ANO7: variants seen among roughly 807,000 people sequenced by gnomAD.
ANO7 encodes the protein anoctamin-7.
In ANO7, 114 loss-of-function variants were observed where a neutral mutation model predicts 115.8. The ratio of observed to expected loss-of-function variants is 0.98; its 90% CI spans 0.85 to 1.15. The LOEUF is 1.15. Ranked by LOEUF, ANO7 falls within the 50% of genes most tolerant of loss-of-function variation. ANO7 has a pLI of 0.00. For synonymous variants in ANO7, 550 were observed against 498.2 expected (o/e 1.10, Z -1.38); for missense variants, 1,302 against 1,201.2 (o/e 1.08, Z -1.24).
rs541531056 is a variant in ANO7, at chr2:241,214,146, G to A, written c.1729-659G>A. On this transcript the variant is annotated intron_variant, in intron 17 of 24. Transcript: ENST00000674324. The stretch of plus-strand genomic sequence containing the variant: ...CTAAAAATGCAAAAATTGGCCAGGC[G>A]TGATGGCACGCACCTGTAGTCTCAG... Among the ~76,000 whole-genome samples, 11 of 152,336 alleles carry A rather than the reference G, an allele frequency of 7.2e-5. No homozygotes were observed. In the South Asian group the frequency reaches 2.1e-3, roughly 29 times the overall value.
At chr2:241,234,032 C>G in the ANO7 span, 1 of 1,563,574 alleles carries the variant, frequency 6.4e-7, no homozygotes, top group South Asian at 1.1e-5. Flanking sequence ...ATTCCCCTTC[C>G]ACCCTGGTCA....
intron 21 of ANO7, 87 bp downstream of exon 21, chr2:241,218,468 G>A: frequency 3.4e-6 from 4 of 1,182,284 alleles, no homozygotes; most frequent in South Asian, 6.9e-5. Context: ...GCGGCGGTGG[G>A]GAGCCGGGAG....
chr2:241,238,932 CCAGGCGCA>C, the ANO7 span: 1 of 614,346 alleles, frequency 1.6e-6, no homozygotes, highest in East Asian at 2.9e-5. This position sits in a 1 kb window ranked among gnomAD's most constrained non-coding sequence, Gnocchi z 4.9. Flanking sequence ...GTCCAGGGCT[CCAGGCGCA>C]GGGAGGAGGG....
At chr2:241,207,206 G>A (rs992005345) in intron 10 of ANO7, among the ~76,000 whole-genome samples, 2 of 148,672 alleles carry the variant, frequency 1.3e-5, no homozygotes, top group African/African-American at 5.0e-5. Flanking sequence ...TCTGACAGGT[G>A]GACAGGAGTG....
chr2:241,233,330 G>C, the ANO7 span, among the ~76,000 whole-genome samples: 4 of 152,136 alleles, frequency 2.6e-5, no homozygotes, highest in East Asian at 7.7e-4. This position sits in a 1 kb window ranked among gnomAD's most constrained non-coding sequence, Gnocchi z 4.3. Context: ...GGCCATGAGG[G>C]CCAGTGGCAG....
the ANO7 span, among the ~76,000 whole-genome samples, chr2:241,234,736 C>A: frequency 6.6e-6 from 1 of 152,190 alleles, no homozygotes; most frequent in East Asian, 1.9e-4. Context: ...GGAAGTCATT[C>A]GCCCTTTGAC....
At chr2:241,192,134 C>T (rs773610399) in intron 3 of ANO7, among the ~76,000 whole-genome samples, 49 of 152,160 alleles carry the variant, frequency 3.2e-4, no homozygotes, top group Non-Finnish European at 5.3e-4. Context: ...GTCGGGAGTT[C>T]GAGACCAGCC....
intron 11 of ANO7, among the ~76,000 whole-genome samples, chr2:241,208,433 C>G (rs2068637982): frequency 6.6e-6 from 1 of 152,240 alleles, no homozygotes; most frequent in South Asian, 2.1e-4. Flanking sequence ...CTGCTTCCAT[C>G]TCCACCTGGC....
intron 21 of ANO7, among the ~76,000 whole-genome samples, chr2:241,222,224 ACT>A (rs2069037947): frequency 7.1e-6 from 1 of 140,824 alleles, no homozygotes; most frequent in African/African-American, 2.7e-5. Context: ...ACAGAGCGAG[ACT>A]CTGTCTCATA....
At chr2:241,218,492 CG>C in intron 21 of ANO7, 111 bp downstream of exon 21, 1 of 465,046 alleles carries the variant, frequency 2.2e-6, no homozygotes, top group Non-Finnish European at 2.7e-6. Context: ...CGGGCGCCGC[CG>C]GGCAAGGCCG....
At chr2:241,201,527 AGGCCAT>A (rs2068472225) in intron 7 of ANO7, among the ~76,000 whole-genome samples, 172 bp downstream of exon 7, 1 of 152,216 alleles carries the variant, frequency 6.6e-6, no homozygotes, top group African/African-American at 2.4e-5. Context: ...TACACAGGGC[AGGCCAT>A]GACCTGGGAT....
At chr2:241,236,419 G>A in the ANO7 span, 1 of 611,122 alleles carries the variant, frequency 1.6e-6, no homozygotes, top group South Asian at 2.0e-5. Flanking sequence ...CCGAGCCTTG[G>A]TGAAGGGAAG....
rs1422867819 is a variant in ANO7 at position 241,212,582 on chromosome 2, T to C, written c.1684T>C (p.Tyr562His). Reference sequence around the variant, plus strand: ...TTGACTTTCTCCTAGGTTTGTGGGATACCCAGGCAACTACCACACCTTGTT... The same window carrying C: ...TTGACTTTCTCCTAGGTTTGTGGGACACCCAGGCAACTACCACACCTTGTT... ...IAFFKGRFVG[Y>H]PGNYHTLFGV... Residue 562 changes from tyrosine (Y) to histidine (H), a missense_variant, in exon 17 of 25, where the codon TAC becomes CAC. Physicochemically the swap from Tyr to His is moderately conservative, Grantham distance 83. Coordinates refer to ENST00000674324, the MANE Select transcript of ANO7 (RefSeq NM_001370694.2). 3.1e-6 allele frequency: 5 copies of C among 1,613,384 alleles called. No individual in the cohort carries two copies. Among genetic ancestry groups the C allele is most frequent in the Admixed American group, 1.7e-5 (1 of 59,924 alleles).
chr2:241,235,347 G>C, the ANO7 span: 1 of 1,550,210 alleles, frequency 6.5e-7, no homozygotes, highest in Non-Finnish European at 8.8e-7. Flanking sequence ...TGAGAGGGAA[G>C]GCCACCCGCC....
Position 241,195,854 on chromosome 2 carries a change from A to T in ANO7, c.309+9A>T, listed in dbSNP as rs541341829. Reference sequence around the variant, plus strand: ...GGCTGTGTGTAGACCAGGTACGTGGAGGCTGTCATGGGCAGGGCCCTAGGC... The same window carrying T: ...GGCTGTGTGTAGACCAGGTACGTGGTGGCTGTCATGGGCAGGGCCCTAGGC... On this transcript the variant is annotated intron_variant, in intron 4 of 24. Coordinates refer to ENST00000674324, the MANE Select transcript of ANO7 (RefSeq NM_001370694.2). 6.2e-7 allele frequency: 1 copy of T among 1,613,988 alleles called. No homozygotes were observed. The highest frequency in any genetic ancestry group is 8.5e-7 in the Non-Finnish European group (1 of 1,179,908).
chr2:241,200,066 G>A, intron 5 of ANO7, 23 bp from the exon 6 acceptor site: 2 of 1,608,004 alleles, frequency 1.2e-6, no homozygotes, highest in East Asian at 2.2e-5. Context: ...GGAGTGGGAG[G>A]AGCCACTGAC....
the ANO7 span, chr2:241,238,683 A>G: frequency 6.3e-7 from 1 of 1,582,018 alleles, no homozygotes; most frequent in Non-Finnish European, 8.6e-7. The surrounding 1 kb of genome is among the most constrained non-coding windows in gnomAD (Gnocchi z 4.9). Context: ...ATTTAATTTG[A>G]ACACTGAAAT....
intron 1 of ANO7, 125 bp from the exon 2 acceptor site, chr2:241,189,932 A>C (rs565310982): frequency 1.4e-6 from 1 of 701,108 alleles, no homozygotes; most frequent in African/African-American, 1.8e-5. Flanking sequence ...GAGCCAGCCC[A>C]GCCCCATTCT....
chr2:241,236,700 C>A, the ANO7 span: 1 of 1,614,146 alleles, frequency 6.2e-7, no homozygotes, highest in Non-Finnish European at 8.5e-7. Context: ...GCCGGGGTCA[C>A]AATCTTTAGC....
Sources: allele counts gnomAD v4.1 joint callset (sites outside exome capture counted in the v4.1 genomes callset), GRCh38; gene constraint gnomAD v4.1.1; non-coding constraint Gnocchi (gnomAD v3.1); transcripts MANE v1.5; gene names NCBI Gene and HGNC (gene_info 2026-07-23, HGNC 2026-07-21).